The following CHST8 variants were observed in gnomAD, a reference collection of about 807,000 sequenced individuals.
CHST8 encodes carbohydrate sulfotransferase 8.
CHST8 carries 10 observed loss-of-function variants against 15.0 expected under a neutral mutation model. The observed-to-expected ratio is 0.67, with a 90% CI of 0.41 to 1.13. The LOEUF is 1.13. Among genes scored for constraint, CHST8 ranks in the 50% most tolerant of loss-of-function variants. CHST8 has a pLI of 0.00. For synonymous variants in CHST8, 259 were observed against 256.6 expected (o/e 1.01, Z -0.09); for missense variants, 634 against 608.2 (o/e 1.04, Z -0.45).
rs12610927 is a variant in CHST8, at chr19:33,757,524, G to A, written c.131-13889G>A. 4.7e-4 allele frequency among the ~76,000 whole-genome samples: 9 copies of A among 19,254 alleles called. 1 individual carries two copies. Among genetic ancestry groups the A allele is most frequent in the South Asian group, 1.7e-3 (1 of 592 alleles). 12.6% of individuals were successfully genotyped at this position (19,254 alleles called of 152,430 possible). ...AAAGAAAGAAAGAAAGAAAGAAAGA[G>A]AAAGAAAGAAAGAAAGAAAGAAAGA... On this transcript the variant is annotated intron_variant, in intron 3 of 4. Transcript: ENST00000650847.
At chr19:33,654,350 T>A (rs1373775305) in intron 1 of CHST8, among the ~76,000 whole-genome samples, 1 of 152,152 alleles carries the variant, frequency 6.6e-6, no homozygotes, top group Non-Finnish European at 1.5e-5. Flanking sequence ...GTCTTTCTGC[T>A]TGTTTATCAG....
intron 1 of CHST8, among the ~76,000 whole-genome samples, chr19:33,623,480 TGG>T (rs1972012815): frequency 6.6e-6 from 1 of 151,892 alleles, no homozygotes; most frequent in Admixed American, 6.6e-5. Flanking sequence ...TGCTTTGGAG[TGG>T]ATGGTGGAGA....
intron 3 of CHST8, among the ~76,000 whole-genome samples, chr19:33,728,034 G>A (rs1156260590): frequency 6.6e-6 from 1 of 152,260 alleles, no homozygotes; most frequent in Non-Finnish European, 1.5e-5. Context: ...TCCAGCAAGT[G>A]CCTTCGCTCC....
At chr19:33,705,353 T>C (rs1315278903) in intron 3 of CHST8, among the ~76,000 whole-genome samples, 1 of 152,164 alleles carries the variant, frequency 6.6e-6, no homozygotes, top group East Asian at 1.9e-4. Context: ...AGATACCTGT[T>C]CACTGTTCAG....
intron 3 of CHST8, among the ~76,000 whole-genome samples, chr19:33,770,728 T>C (rs1314230573): frequency 6.6e-6 from 1 of 152,188 alleles, no homozygotes; most frequent in East Asian, 1.9e-4. Flanking sequence ...AAGTTAACGC[T>C]GGACAATTAC....
intron 1 of CHST8, among the ~76,000 whole-genome samples, chr19:33,656,968 A>G (rs1346707603): frequency 2.0e-5 from 3 of 152,116 alleles, no homozygotes; most frequent in Non-Finnish European, 4.4e-5. Context: ...TATGTTATAT[A>G]TGCATATCAC....
chr19:33,745,545 C>T (rs549128925), intron 3 of CHST8, among the ~76,000 whole-genome samples: 1 of 152,324 alleles, frequency 6.6e-6, no homozygotes, highest in East Asian at 1.9e-4. Flanking sequence ...CACTGACTGT[C>T]GGGTTCCTGG....
intron 2 of CHST8, among the ~76,000 whole-genome samples, chr19:33,682,507 G>C (rs76681059): frequency 0.02 from 3,083 of 152,206 alleles, 51 homozygotes; most frequent in Non-Finnish European, 0.027. Context: ...TCCATCTCCA[G>C]AACCTTTTCA....
chr19:33,672,649 G>A (rs1972755903), intron 2 of CHST8, among the ~76,000 whole-genome samples: 2 of 152,334 alleles, frequency 1.3e-5, no homozygotes, highest in African/African-American at 4.8e-5. Context: ...GGCAGTCGGG[G>A]CCCACACAAC....
intron 3 of CHST8, among the ~76,000 whole-genome samples, chr19:33,704,979 G>A (rs1973419111): frequency 6.6e-6 from 1 of 152,012 alleles, no homozygotes; most frequent in Admixed American, 6.6e-5. Flanking sequence ...TAAAGGGGCA[G>A]CTCTAATTTG....
At chr19:33,749,015 G>C (rs1453972986) in intron 3 of CHST8, among the ~76,000 whole-genome samples, 1 of 152,200 alleles carries the variant, frequency 6.6e-6, no homozygotes, top group Non-Finnish European at 1.5e-5. Context: ...AGGACGCCAT[G>C]TGAGATGAGG....
At chr19:33,723,707 G>A (rs1212070871) in intron 3 of CHST8, among the ~76,000 whole-genome samples, 1 of 152,214 alleles carries the variant, frequency 6.6e-6, no homozygotes, top group African/African-American at 2.4e-5. Context: ...GCTGTATCTA[G>A]GCTCTGCCTT....
chr19:33,637,003 T>TA (rs1972212837), intron 1 of CHST8, among the ~76,000 whole-genome samples: 1 of 152,246 alleles, frequency 6.6e-6, no homozygotes, highest in Admixed American at 6.5e-5. Flanking sequence ...TTCTTGATGA[T>TA]ACGCAAAACA....
At chr19:33,694,081 T>C (rs1276363015) in intron 3 of CHST8, among the ~76,000 whole-genome samples, 2 of 93,210 alleles carry the variant, frequency 2.1e-5, no homozygotes, top group African/African-American at 8.6e-5. Flanking sequence ...ACAGATTCTG[T>C]TGTAGTTTAT....
intron 1 of CHST8, among the ~76,000 whole-genome samples, chr19:33,639,676 G>T (rs964068476): frequency 6.6e-6 from 1 of 152,008 alleles, no homozygotes; most frequent in South Asian, 2.1e-4. Flanking sequence ...TCTTGGGACC[G>T]GGAGAGGAAG....
chr19:33,756,851 C>T (rs1334734945), intron 3 of CHST8, among the ~76,000 whole-genome samples: 1 of 152,222 alleles, frequency 6.6e-6, no homozygotes, highest in African/African-American at 2.4e-5. Context: ...TCCCCACTTT[C>T]CCCAACCCTG....
chr19:33,757,128 G>A (rs1974561926), intron 3 of CHST8, among the ~76,000 whole-genome samples: 2 of 152,062 alleles, frequency 1.3e-5, no homozygotes, highest in African/African-American at 4.8e-5. Flanking sequence ...AGTGGCTCAT[G>A]CCTGTAATCC....
At chr19:33,735,805 C>T (rs1430117218) in intron 3 of CHST8, among the ~76,000 whole-genome samples, 2 of 152,338 alleles carry the variant, frequency 1.3e-5, no homozygotes, top group East Asian at 1.9e-4. Flanking sequence ...GGGGACAGAG[C>T]GAGACTCCGT....
At chr19:33,713,969 A>G (rs970251529) in intron 3 of CHST8, among the ~76,000 whole-genome samples, 4 of 152,138 alleles carry the variant, frequency 2.6e-5, no homozygotes, top group Non-Finnish European at 5.9e-5. Context: ...GGCTTCCTTC[A>G]ATCTACCTGC....
Sources: gnomAD v4.1 joint callset for allele counts (sites outside exome capture counted in the v4.1 genomes callset) on GRCh38, gnomAD v4.1.1 for gene constraint, MANE v1.5 for transcripts, NCBI Gene and HGNC (gene_info 2026-07-23, HGNC 2026-07-21) for gene names.